ANXA10: variants seen among roughly 807,000 people sequenced by gnomAD.
The protein encoded by ANXA10 is annexin A10.
Under a neutral mutation model 53.5 loss-of-function variants are expected in ANXA10, and 49 were observed. The observed-to-expected ratio is 0.92, with a 90% CI of 0.73 to 1.16. ANXA10 has a LOEUF of 1.16. ANXA10 is among the 50% of genes most tolerant of loss of function. ANXA10 has a pLI of 0.00. For missense variants in ANXA10, 393 were observed against 394.4 expected, an observed-to-expected ratio of 1.00 and a Z score of 0.03; for synonymous variants, 131 against 128.9, an observed-to-expected ratio of 1.02 and a Z score of -0.11.
At chr4:168,115,295 A>G (rs1730875160) in intron 1 of ANXA10, among the ~76,000 whole-genome samples, 1 of 152,114 alleles carries the variant, frequency 6.6e-6, no homozygotes, top group Non-Finnish European at 1.5e-5. Flanking sequence ...CACTCCCCCA[A>G]AATACCACCA....
At chr4:168,107,368 A>G (rs560358257) in intron 1 of ANXA10, among the ~76,000 whole-genome samples, 14 of 152,210 alleles carry the variant, frequency 9.2e-5, no homozygotes, top group Non-Finnish European at 1.9e-4. Flanking sequence ...CTTTCCAATT[A>G]TATAAAGTGA....
intron 2 of ANXA10, among the ~76,000 whole-genome samples, chr4:168,133,843 A>G (rs1345597855): frequency 1.3e-5 from 2 of 152,120 alleles, no homozygotes; most frequent in African/African-American, 2.4e-5. Context: ...AATTTGATAA[A>G]ATTATGATGG....
At chr4:168,133,347 G>A (rs545814907) in intron 2 of ANXA10, among the ~76,000 whole-genome samples, 5 of 152,118 alleles carry the variant, frequency 3.3e-5, no homozygotes, top group South Asian at 4.1e-4. Flanking sequence ...ATCTCTGCAC[G>A]ATGCTGTTTG....
At chr4:168,135,653 C>T (rs1192140238) in intron 2 of ANXA10, among the ~76,000 whole-genome samples, 1 of 152,080 alleles carries the variant, frequency 6.6e-6, no homozygotes, top group Admixed American at 6.5e-5. Context: ...GATACACAGA[C>T]CAGAAACAGT....
intron 3 of ANXA10, among the ~76,000 whole-genome samples, chr4:168,140,269 C>T (rs1731304476): frequency 6.6e-6 from 1 of 152,178 alleles, no homozygotes; most frequent in Non-Finnish European, 1.5e-5. Context: ...ATCAGCTGAG[C>T]TTTATCAATG....
Position 168,177,937 on chromosome 4 carries a change from GC to G in ANXA10, c.583del (p.Leu195CysfsTer3). 6.2e-7 allele frequency: 1 copy of G among 1,613,684 alleles called. No individual in the cohort carries two copies. Among genetic ancestry groups the G allele is most frequent in the Non-Finnish European group, 8.5e-7 (1 of 1,179,812 alleles). ...QQKTGEHKTM[L>X]QMILCNKSYQ... ...AGAAGACGGGGGAGCACAAAACCAT[GC>G]TGCAAATGATCCTGTGCAACAAGAG... On this transcript the variant is annotated frameshift_variant, in exon 8 of 12. Coordinates refer to ENST00000359299, the MANE Select transcript of ANXA10 (RefSeq NM_007193.5). LOFTEE classifies it high-confidence loss of function.
At chr4:168,172,195 T>C (rs1732004369) in intron 6 of ANXA10, among the ~76,000 whole-genome samples, 5 of 152,254 alleles carry the variant, frequency 3.3e-5, no homozygotes. Flanking sequence ...AGCTTGACTC[T>C]GCCTTTGTCA....
chr4:168,149,082 C>T (rs1163595610), intron 3 of ANXA10, among the ~76,000 whole-genome samples: 3 of 152,018 alleles, frequency 2.0e-5, no homozygotes, highest in African/African-American at 7.2e-5. Context: ...TCTCTGGATG[C>T]TTTTAAGATA....
intron 1 of ANXA10, among the ~76,000 whole-genome samples, chr4:168,103,097 C>T (rs1730666834): frequency 1.3e-5 from 2 of 151,990 alleles, no homozygotes; most frequent in Admixed American, 1.3e-4. Flanking sequence ...AACTTACACA[C>T]CTTTCCTTTC....
intron 3 of ANXA10, among the ~76,000 whole-genome samples, chr4:168,139,903 C>A (rs1731299891): frequency 6.6e-6 from 1 of 152,104 alleles, no homozygotes; most frequent in Non-Finnish European, 1.5e-5. Flanking sequence ...AAGTGTTGTG[C>A]TGGAAACACC....
intron 3 of ANXA10, among the ~76,000 whole-genome samples, chr4:168,140,267 A>C (rs548036601): frequency 1.3e-5 from 2 of 152,208 alleles, no homozygotes; most frequent in Admixed American, 6.5e-5. Context: ...TCATCAGCTG[A>C]GCTTTATCAA....
At chr4:168,128,242 A>T (rs562897301) in intron 2 of ANXA10, 77 bp downstream of exon 2, 1 of 1,070,554 alleles carries the variant, frequency 9.3e-7, no homozygotes, top group African/African-American at 1.6e-5. Context: ...TACTGTGGGT[A>T]TAAAATAGTT....
chr4:168,167,857 G>A (rs1389970031), intron 6 of ANXA10, among the ~76,000 whole-genome samples: 3 of 152,068 alleles, frequency 2.0e-5, no homozygotes, highest in Non-Finnish European at 4.4e-5. Context: ...AAAACTGGCC[G>A]GGTATTACTA....
intron 6 of ANXA10, among the ~76,000 whole-genome samples, chr4:168,169,821 C>CTT (rs1731949949): frequency 6.6e-6 from 1 of 152,188 alleles, no homozygotes; most frequent in South Asian, 2.1e-4. Flanking sequence ...CTCAAATCCT[C>CTT]TTAGCATTTC....
Position 168,092,697 on chromosome 4 carries a change from CA to C in ANXA10, c.1del. The C allele has an allele frequency of 6.3e-7, 1 of 1,593,232 alleles. No individual in the cohort carries two copies. Among genetic ancestry groups the C allele is most frequent in the Non-Finnish European group, 8.5e-7 (1 of 1,170,982 alleles). On this transcript the variant is annotated 5_prime_UTR_variant, in exon 1 of 12. Coordinates refer to ENST00000359299, the MANE Select transcript of ANXA10 (RefSeq NM_007193.5). ...CATCCCTGAGGTTAACAATTACCAT[CA>C]AAATGTTTTGTGGAGACTATGTGAG...
At chr4:168,131,624 T>C (rs1163297036) in intron 2 of ANXA10, among the ~76,000 whole-genome samples, 5 of 151,964 alleles carry the variant, frequency 3.3e-5, no homozygotes, top group African/African-American at 1.2e-4. Flanking sequence ...ATTCTTCTAT[T>C]TCTCTTTGCA....
chr4:168,177,331 TATA>T (rs373229067), intron 6 of ANXA10, among the ~76,000 whole-genome samples: 2 of 152,326 alleles, frequency 1.3e-5, no homozygotes, highest in African/African-American at 4.8e-5. Flanking sequence ...TTTGTTGTTG[TATA>T]AATCCTATTG....
intron 1 of ANXA10, among the ~76,000 whole-genome samples, chr4:168,104,222 C>T (rs753851518): frequency 1.4e-4 from 22 of 151,822 alleles, no homozygotes; most frequent in Non-Finnish European, 2.8e-4. Context: ...AATGTTGTGC[C>T]AGTCCTGCAT....
chr4:168,154,119 G>C (rs1279362806), intron 3 of ANXA10, among the ~76,000 whole-genome samples: 1 of 152,020 alleles, frequency 6.6e-6, no homozygotes, highest in Non-Finnish European at 1.5e-5. Flanking sequence ...CATATGTAAA[G>C]GGAAGAAATA....
Sources: allele counts gnomAD v4.1 joint callset (sites outside exome capture counted in the v4.1 genomes callset), GRCh38; gene constraint gnomAD v4.1.1; transcripts MANE v1.5; gene names NCBI Gene and HGNC (gene_info 2026-07-23, HGNC 2026-07-21).